LTBP1: variants seen among roughly 807,000 people sequenced by gnomAD.
LTBP1 encodes the protein latent-transforming growth factor beta-binding protein 1.
LTBP1 carries 129 observed loss-of-function variants against 207.6 expected under a neutral mutation model. The observed-to-expected ratio is 0.62, with a 90% CI of 0.54 to 0.72. The LOEUF (loss-of-function observed/expected upper bound fraction) is 0.72, where lower values mean the gene tolerates loss of function less well. LTBP1 is among the 30% of genes least tolerant of loss of function. The pLI is 0.00. For missense variants in LTBP1, 2,281 were observed against 2,217.2 expected (o/e 1.03, Z -0.58); for synonymous variants, 963 against 833.7 (o/e 1.16, Z -2.67).
intron 19 of LTBP1, among the ~76,000 whole-genome samples, chr2:33,285,095 G>A (rs1206396053): frequency 6.9e-6 from 1 of 145,924 alleles, no homozygotes; most frequent in Non-Finnish European, 1.5e-5. Context: ...AGGCTGGAGT[G>A]CAATGGCGTG....
At chr2:32,990,674 G>A (rs560361085) in intron 2 of LTBP1, among the ~76,000 whole-genome samples, 2 of 152,286 alleles carry the variant, frequency 1.3e-5, no homozygotes, top group African/African-American at 4.8e-5. Flanking sequence ...GTGTGTGGGA[G>A]CAATCTTCAG....
intron 7 of LTBP1, among the ~76,000 whole-genome samples, chr2:33,207,176 A>G (rs1302394605): frequency 6.6e-6 from 1 of 152,226 alleles, no homozygotes; most frequent in Non-Finnish European, 1.5e-5. Context: ...AAGTAGAATC[A>G]TAAGTTTCAT....
At position 33,048,953 on chromosome 2, in the gene LTBP1, A is replaced by C. The variant is rs371927486; in HGVS notation, c.863+27747A>C. On this transcript the variant is annotated intron_variant, in intron 3 of 33. Transcript: ENST00000404816. ...ATTGCTGGCCTTCTGCATGATATTT[A>C]GCTATGAGTGGTCTTGTTGCCCTGC... 2.0e-5 allele frequency among the ~76,000 whole-genome samples: 3 copies of C among 152,354 alleles called. No individual in the cohort carries two copies. The South Asian group carries it at 6.2e-4, about 32-fold the overall frequency.
chr2:33,225,881 A>G (rs1261671230), intron 9 of LTBP1, among the ~76,000 whole-genome samples: 1 of 151,898 alleles, frequency 6.6e-6, no homozygotes, highest in Non-Finnish European at 1.5e-5. Flanking sequence ...ATGTCCTCCA[A>G]CTCCATCCAT....
intron 19 of LTBP1, among the ~76,000 whole-genome samples, chr2:33,286,822 A>G (rs908775260): frequency 3.9e-5 from 6 of 152,204 alleles, no homozygotes; most frequent in Non-Finnish European, 5.9e-5. Context: ...TCAGCAAACT[A>G]TCGCAAGGAC....
intron 28 of LTBP1, 67 bp from the exon 29 acceptor site, chr2:33,363,323 T>A (rs965222047): frequency 6.5e-6 from 10 of 1,542,366 alleles, no homozygotes; most frequent in Non-Finnish European, 8.9e-6. Flanking sequence ...CAAATCTGGT[T>A]AGACTCTTTT....
chr2:33,164,352 G>GAAAAAAAAA (rs56916166), intron 5 of LTBP1, among the ~76,000 whole-genome samples: 7 of 28,244 alleles, frequency 2.5e-4, no homozygotes, highest in East Asian at 1.0e-3. Context: ...TTCCTCTCAG[G>GAAAAAAAAA]AAAAAAAAAA....
chr2:33,342,682 T>C (rs2094643348), intron 24 of LTBP1, among the ~76,000 whole-genome samples, 156 bp from the exon 25 acceptor site: 1 of 152,248 alleles, frequency 6.6e-6, no homozygotes, highest in Non-Finnish European at 1.5e-5. Context: ...TTTATTTATA[T>C]GTAAAATATT....
At chr2:32,955,212 T>C (rs562393243) in intron 2 of LTBP1, among the ~76,000 whole-genome samples, 29 of 152,206 alleles carry the variant, frequency 1.9e-4, no homozygotes, top group Non-Finnish European at 3.2e-4. Context: ...ACCTCAACGC[T>C]TAGCAATTTA....
At chr2:32,993,935 G>A (rs1684837760) in intron 2 of LTBP1, among the ~76,000 whole-genome samples, 1 of 151,376 alleles carries the variant, frequency 6.6e-6, no homozygotes, top group Non-Finnish European at 1.5e-5. Context: ...TCATTTACAA[G>A]TGGATGGCCC....
chr2:33,198,815 G>T (rs1302679634), intron 7 of LTBP1, among the ~76,000 whole-genome samples: 1 of 152,090 alleles, frequency 6.6e-6, no homozygotes, highest in Non-Finnish European at 1.5e-5. Context: ...CTTGCTAGCG[G>T]TCTATCAATT....
At chr2:33,301,466 T>A in intron 21 of LTBP1, 56 bp from the exon 22 acceptor site, 1 of 1,517,116 alleles carries the variant, frequency 6.6e-7, no homozygotes, top group Non-Finnish European at 8.8e-7. Flanking sequence ...TGAGACTGAT[T>A]GAAAATGTTT....
chr2:33,396,424 G>T (rs1250770300), intron 32 of LTBP1, among the ~76,000 whole-genome samples: 1 of 152,170 alleles, frequency 6.6e-6, no homozygotes, highest in Non-Finnish European at 1.5e-5. Flanking sequence ...GTTTCACCAT[G>T]TTGGCCACGC....
At chr2:33,326,560 G>A (rs1308603821) in intron 24 of LTBP1, among the ~76,000 whole-genome samples, 2 of 151,756 alleles carry the variant, frequency 1.3e-5, no homozygotes, top group Non-Finnish European at 2.9e-5. Flanking sequence ...CCTTATTTGG[G>A]ATGATAAAGA....
intron 10 of LTBP1, among the ~76,000 whole-genome samples, chr2:33,249,474 A>T (rs2149884898): frequency 6.6e-6 from 1 of 152,272 alleles, no homozygotes; most frequent in South Asian, 2.1e-4. Context: ...AATTAAATAT[A>T]AGTTGCTTAA....
At chr2:33,184,129 T>A (rs10179329) in intron 5 of LTBP1, among the ~76,000 whole-genome samples, 4,381 of 152,234 alleles carry the variant, frequency 0.029, 211 homozygotes, top group African/African-American at 0.1. Context: ...TCAACTTGAA[T>A]TTCAATTGCT....
chr2:33,360,784 G>C lies in LTBP1; in HGVS notation c.4183+5G>C. ...CCTGCCCGGTCTTGGGAACTGGTAA[G>C]AATCCGCTTAGTGGTAGAGTCACAC... On this transcript the variant is annotated splice_donor_5th_base_variant and intron_variant, in intron 27 of 33. Transcript: ENST00000404816. 6.2e-7 allele frequency: 1 copy of C among 1,613,608 alleles called. No homozygotes were observed. The highest frequency in any genetic ancestry group is 8.5e-7 in the Non-Finnish European group (1 of 1,179,584).
chr2:33,007,904 A>G (rs1687148695), intron 2 of LTBP1, among the ~76,000 whole-genome samples: 1 of 152,228 alleles, frequency 6.6e-6, no homozygotes, highest in African/African-American at 2.4e-5. Flanking sequence ...GTAAAAAGAT[A>G]ATAGAAACAA....
chr2:33,176,683 G>T (rs1258811929), intron 5 of LTBP1, among the ~76,000 whole-genome samples: 1 of 152,096 alleles, frequency 6.6e-6, no homozygotes, highest in African/African-American at 2.4e-5. Context: ...TATAGTGCAC[G>T]ACCTGACCAG....
Sources: gnomAD v4.1 joint callset for allele counts (sites outside exome capture counted in the v4.1 genomes callset) on GRCh38, gnomAD v4.1.1 for gene constraint, MANE v1.5 for transcripts, NCBI Gene and HGNC (gene_info 2026-07-23, HGNC 2026-07-21) for gene names.